Variants in LUZP2 observed in about 807,000 individuals in gnomAD.
The protein encoded by LUZP2 is leucine zipper protein 2.
A neutral mutation model predicts 51.6 loss-of-function variants in LUZP2; 52 were observed. The ratio of observed to expected loss-of-function variants is 1.01; its 90% CI spans 0.81 to 1.27. LUZP2 has a LOEUF of 1.27. Among genes scored for constraint, LUZP2 ranks in the 50% most tolerant of loss-of-function variants. The probability of loss-of-function intolerance (pLI) is 0.00; values close to 1 mark genes in which losing one functional copy is unlikely to be tolerated. For missense variants in LUZP2, 436 were observed against 395.4 expected, an observed-to-expected ratio of 1.10 and a Z score of -0.87; for synonymous variants, 154 against 137.3, an observed-to-expected ratio of 1.12 and a Z score of -0.85.
intron 1 of LUZP2, among the ~76,000 whole-genome samples, chr11:24,718,660 C>G (rs1015006362): frequency 1.3e-5 from 2 of 152,124 alleles, no homozygotes; most frequent in Non-Finnish European, 2.9e-5. Context: ...AACATTTTTT[C>G]AGTCAAAGCA....
At chr11:24,809,214 T>G (rs73426026) in intron 5 of LUZP2, among the ~76,000 whole-genome samples, 2,573 of 152,210 alleles carry the variant, frequency 0.017, 78 homozygotes, top group African/African-American at 0.059. Context: ...AAAACAAATA[T>G]TATAAATTAA....
At chr11:25,057,711 G>A (rs1858728442) in intron 10 of LUZP2, among the ~76,000 whole-genome samples, 1 of 152,020 alleles carries the variant, frequency 6.6e-6, no homozygotes, top group South Asian at 2.1e-4. Flanking sequence ...TTACTGTGCT[G>A]AGGAAATGAA....
intron 1 of LUZP2, among the ~76,000 whole-genome samples, chr11:24,526,970 G>C (rs1411518978): frequency 6.6e-6 from 1 of 151,262 alleles, no homozygotes; most frequent in East Asian, 1.9e-4. Context: ...AGAAGAGAGA[G>C]GTAATCCCAG....
At chr11:24,558,888 A>T (rs533517220) in intron 1 of LUZP2, among the ~76,000 whole-genome samples, 5 of 152,144 alleles carry the variant, frequency 3.3e-5, no homozygotes, top group Non-Finnish European at 5.9e-5. Context: ...TGATCTTGGA[A>T]TTTCCAAACC....
chr11:24,547,553 A>G (rs1851595322), intron 1 of LUZP2, among the ~76,000 whole-genome samples: 1 of 152,130 alleles, frequency 6.6e-6, no homozygotes, highest in African/African-American at 2.4e-5. Context: ...CTTTTACCAT[A>G]TGTAATACAA....
intron 5 of LUZP2, among the ~76,000 whole-genome samples, chr11:24,872,573 T>C (rs1164512882): frequency 6.6e-6 from 1 of 152,304 alleles, no homozygotes; most frequent in Non-Finnish European, 1.5e-5. Flanking sequence ...TCATCCACCA[T>C]TTTAAACTCA....
intron 10 of LUZP2, among the ~76,000 whole-genome samples, chr11:25,051,184 A>G (rs1858497172): frequency 6.6e-6 from 1 of 152,124 alleles, no homozygotes; most frequent in South Asian, 2.1e-4. Flanking sequence ...TGGATTTAGA[A>G]AAATGAATTA....
intron 9 of LUZP2, among the ~76,000 whole-genome samples, chr11:25,002,623 CTG>C (rs1856718518): frequency 6.6e-6 from 1 of 152,162 alleles, no homozygotes; most frequent in East Asian, 1.9e-4. Context: ...CCGCAACTAC[CTG>C]CAAACAGTGA....
At chr11:24,970,534 G>A (rs375756219) in intron 7 of LUZP2, among the ~76,000 whole-genome samples, 71 of 152,230 alleles carry the variant, frequency 4.7e-4, no homozygotes, top group African/African-American at 1.6e-3. Context: ...CAGAATCATT[G>A]AATTACAAAT....
chr11:25,044,257 G>GTATATATA (rs1235208041), intron 9 of LUZP2, among the ~76,000 whole-genome samples: 5 of 60,780 alleles, frequency 8.2e-5, no homozygotes, highest in Admixed American at 2.0e-4. Flanking sequence ...GTGTGTGTGT[G>GTATATATA]TATATATATA....
chr11:24,705,250 A>T (rs1363156489), intron 1 of LUZP2, among the ~76,000 whole-genome samples: 1 of 152,220 alleles, frequency 6.6e-6, no homozygotes, highest in East Asian at 1.9e-4. Context: ...TTAAAAAGAA[A>T]TCATGAAAGA....
intron 5 of LUZP2, among the ~76,000 whole-genome samples, chr11:24,808,311 G>C (rs1264926196): frequency 6.6e-6 from 1 of 152,060 alleles, no homozygotes; most frequent in Non-Finnish European, 1.5e-5. Context: ...TTTTGTGAAG[G>C]TCACTAACAT....
chr11:24,619,067 T>C (rs1781977726), intron 1 of LUZP2, among the ~76,000 whole-genome samples: 2 of 151,980 alleles, frequency 1.3e-5, no homozygotes, highest in African/African-American at 2.4e-5. Flanking sequence ...CTTGCTTTTT[T>C]ACCCAAGTTG....
chr11:24,596,154 A>G (rs1782801071), intron 1 of LUZP2, among the ~76,000 whole-genome samples: 1 of 152,174 alleles, frequency 6.6e-6, no homozygotes, highest in South Asian at 2.1e-4. Flanking sequence ...ACAGGAATAT[A>G]ATCCCAAGGC....
chr11:24,979,161 A>T (rs1855957413), intron 8 of LUZP2, among the ~76,000 whole-genome samples: 1 of 151,870 alleles, frequency 6.6e-6, no homozygotes, highest in Admixed American at 6.6e-5. Context: ...CCTGGAAAAC[A>T]TTCATTAAAT....
intron 1 of LUZP2, among the ~76,000 whole-genome samples, chr11:24,617,378 G>A (rs187902103): frequency 1.2e-4 from 18 of 152,088 alleles, no homozygotes; most frequent in South Asian, 1.0e-3. Flanking sequence ...TGTGTTCATC[G>A]TTATTCATTG....
At chr11:24,994,543 A>G (rs1178547841) in intron 9 of LUZP2, among the ~76,000 whole-genome samples, 1 of 152,226 alleles carries the variant, frequency 6.6e-6, no homozygotes, top group Non-Finnish European at 1.5e-5. Flanking sequence ...AGTGTATTTT[A>G]AAATGAGGAA....
chr11:24,833,328 C>T (rs915347278), intron 5 of LUZP2, among the ~76,000 whole-genome samples: 1 of 152,150 alleles, frequency 6.6e-6, no homozygotes, highest in East Asian at 1.9e-4. Context: ...TTCACCAAAA[C>T]AACTGGGATT....
chr11:24,808,357 T>C (rs905264846), intron 5 of LUZP2, among the ~76,000 whole-genome samples: 13 of 152,162 alleles, frequency 8.5e-5, no homozygotes, highest in African/African-American at 3.1e-4. Context: ...TGACTGGATT[T>C]GCAATGAACT....
Sources: gnomAD v4.1 joint callset for allele counts (sites outside exome capture counted in the v4.1 genomes callset) on GRCh38, gnomAD v4.1.1 for gene constraint, MANE v1.5 for transcripts, NCBI Gene and HGNC (gene_info 2026-07-23, HGNC 2026-07-21) for gene names.